Variants in ADGB observed in about 807,000 individuals in gnomAD.
ADGB encodes androglobin.
A neutral mutation model predicts 210.5 loss-of-function variants in ADGB; 172 were observed. The ratio of observed to expected loss-of-function variants is 0.82; its 90% confidence interval spans 0.72 to 0.93. ADGB has a LOEUF of 0.93. Among genes scored for constraint, ADGB ranks in the 40% least tolerant of loss-of-function variants. The probability of loss-of-function intolerance (pLI) is 0.00; values close to 1 mark genes in which losing one functional copy is unlikely to be tolerated. For missense variants in ADGB, 2,025 were observed against 1,964.8 expected, an observed-to-expected ratio of 1.03 and a Z score of -0.58; for synonymous variants, 658 against 662.7, an observed-to-expected ratio of 0.99 and a Z score of 0.11.
At chr6:146,782,345 C>T (rs1316293048) in intron 30 of ADGB, among the ~76,000 whole-genome samples, 153 bp downstream of exon 30, 1 of 152,184 alleles carries the variant, frequency 6.6e-6, no homozygotes, top group Non-Finnish European at 1.5e-5. Flanking sequence ...TCCTTGGACA[C>T]CTTCCTCAAG....
Position 146,741,244 on chromosome 6 carries a change from G to T in ADGB, c.3150G>T (p.Val1050=). The T allele has an allele frequency of 1.3e-6, 2 of 1,550,682 alleles. No individual in the cohort carries two copies. Among genetic ancestry groups the T allele is most frequent in the East Asian group, 2.4e-5 (1 of 40,820 alleles). Reference sequence around the variant, plus strand: ...AAGTGCCAAAGGTGTTCCAAAAAGTGGTGCCTTATCTTTATACCAAGAATA... The same window carrying T: ...AAGTGCCAAAGGTGTTCCAAAAAGTTGTGCCTTATCTTTATACCAAGAATA... The part of the protein sequence containing the change: ...MEQVPKVFQK[V]VPYLYTKNKK... Residue 1050 remains valine, a synonymous_variant, in exon 25 of 36, where the codon GTG becomes GTT. Coordinates refer to ENST00000397944, the MANE Select transcript of ADGB (RefSeq NM_024694.4).
At chr6:146,640,879 T>C (rs942005628) in intron 2 of ADGB, among the ~76,000 whole-genome samples, 2 of 152,020 alleles carry the variant, frequency 1.3e-5, no homozygotes, top group African/African-American at 4.8e-5. Flanking sequence ...CTCTCACCAC[T>C]TCTATTTAAC....
intron 27 of ADGB, among the ~76,000 whole-genome samples, chr6:146,761,789 A>C (rs960859409): frequency 1.3e-5 from 2 of 152,092 alleles, no homozygotes; most frequent in African/African-American, 4.8e-5. Flanking sequence ...TAAAATGAAC[A>C]TTCATTCCCT....
chr6:146,617,885 C>T (rs936776260), intron 1 of ADGB, among the ~76,000 whole-genome samples: 1 of 151,980 alleles, frequency 6.6e-6, no homozygotes, highest in Non-Finnish European at 1.5e-5. Context: ...AGAGCACCAA[C>T]CCCTGCACAG....
chr6:146,708,701 A>G (rs1776613728), intron 13 of ADGB, among the ~76,000 whole-genome samples: 1 of 152,068 alleles, frequency 6.6e-6, no homozygotes, highest in Non-Finnish European at 1.5e-5. Context: ...TTTGGATTAA[A>G]TCTGATTTTG....
At chr6:146,650,712 C>A (rs7768539) in intron 3 of ADGB, among the ~76,000 whole-genome samples, 116,120 of 151,186 alleles carry the variant, frequency 0.77, 44,770 homozygotes, top group African/African-American at 0.84. Flanking sequence ...TCTGACAATC[C>A]GATGGACCTG....
chr6:146,778,343 T>C (rs954791082), intron 29 of ADGB, among the ~76,000 whole-genome samples: 1 of 152,152 alleles, frequency 6.6e-6, no homozygotes, highest in Non-Finnish European at 1.5e-5. Flanking sequence ...GAGTTTGCTT[T>C]TCTGTGAAGG....
At chr6:146,691,451 T>TATAA (rs1776318272) in intron 11 of ADGB, among the ~76,000 whole-genome samples, 161 bp downstream of exon 11, 1 of 19,956 alleles carries the variant, frequency 5.0e-5, no homozygotes, top group African/African-American at 3.0e-4. Flanking sequence ...TAAAAATATA[T>TATAA]ATATATAAAA....
chr6:146,647,801 A>T (rs994687913), intron 3 of ADGB, among the ~76,000 whole-genome samples: 15 of 152,114 alleles, frequency 9.9e-5, no homozygotes, highest in African/African-American at 3.4e-4. Context: ...TGAATTTTTG[A>T]ATATGACTCT....
At chr6:146,787,230 AT>A (rs1309203758) in intron 32 of ADGB, among the ~76,000 whole-genome samples, 1 of 152,156 alleles carries the variant, frequency 6.6e-6, no homozygotes, top group Admixed American at 6.5e-5. Flanking sequence ...AGCTCGATTA[AT>A]TTTTGCATGT....
chr6:146,698,801 C>A (rs1049764374), intron 12 of ADGB, among the ~76,000 whole-genome samples: 3 of 152,052 alleles, frequency 2.0e-5, no homozygotes, highest in African/African-American at 7.2e-5. Flanking sequence ...CGGCTGGTCT[C>A]AAACTTCTGA....
At chr6:146,611,935 T>G (rs1041503760) in intron 1 of ADGB, among the ~76,000 whole-genome samples, 1 of 152,212 alleles carries the variant, frequency 6.6e-6, no homozygotes, top group Non-Finnish European at 1.5e-5. Flanking sequence ...GCTTTGCTGC[T>G]GAAAGGTGGC....
intron 33 of ADGB, among the ~76,000 whole-genome samples, chr6:146,790,744 T>A (rs1250370197): frequency 6.6e-6 from 1 of 152,214 alleles, no homozygotes; most frequent in African/African-American, 2.4e-5. Context: ...ATTCTACTTT[T>A]AGTTTCTTGA....
intron 15 of ADGB, 77 bp downstream of exon 15, chr6:146,717,146 T>C (rs1304417314): frequency 1.7e-6 from 2 of 1,211,862 alleles, no homozygotes; most frequent in African/African-American, 3.1e-5. Flanking sequence ...CAAAGTCACA[T>C]TAAGATTTAT....
chr6:146,711,282 C>T (rs1246249564), intron 13 of ADGB, among the ~76,000 whole-genome samples: 3 of 152,124 alleles, frequency 2.0e-5, no homozygotes, highest in African/African-American at 7.2e-5. Flanking sequence ...TCTTTCCAAA[C>T]ACTACAAAAA....
intron 21 of ADGB, among the ~76,000 whole-genome samples, chr6:146,733,541 T>A (rs1202907649): frequency 6.6e-6 from 1 of 152,302 alleles, no homozygotes; most frequent in East Asian, 1.9e-4. Flanking sequence ...ATGGTTTGAT[T>A]TGAAGAATTC....
intron 1 of ADGB, among the ~76,000 whole-genome samples, chr6:146,602,905 A>C (rs1780580796): frequency 6.6e-6 from 1 of 152,156 alleles, no homozygotes; most frequent in Non-Finnish European, 1.5e-5. Context: ...CCATGGAAAA[A>C]TTGTCTTCCA....
At chr6:146,663,191 T>C (rs919207014) in intron 5 of ADGB, among the ~76,000 whole-genome samples, 2 of 143,280 alleles carry the variant, frequency 1.4e-5, no homozygotes, top group Non-Finnish European at 3.0e-5. Flanking sequence ...TTATATATAA[T>C]AATATTAAGG....
chr6:146,796,089 T>C (rs1026250038), intron 33 of ADGB, among the ~76,000 whole-genome samples: 1 of 151,966 alleles, frequency 6.6e-6, no homozygotes, highest in Admixed American at 6.6e-5. Flanking sequence ...GAACTCAATC[T>C]CTTTCATAAT....
Sources: allele counts gnomAD v4.1 joint callset (sites outside exome capture counted in the v4.1 genomes callset), GRCh38; gene constraint gnomAD v4.1.1; transcripts MANE v1.5; gene names NCBI Gene and HGNC (gene_info 2026-07-23, HGNC 2026-07-21).